SPON1: variants seen among roughly 807,000 people sequenced by gnomAD.
SPON1 encodes the protein spondin-1.
In SPON1, 52 loss-of-function variants were observed where a neutral mutation model predicts 111.7. That is an observed-to-expected ratio of 0.47 (90% confidence interval 0.37 to 0.59). SPON1 has a LOEUF of 0.59. Among genes scored for constraint, SPON1 ranks in the 20% least tolerant of loss-of-function variants. The probability of loss-of-function intolerance (pLI) is 0.00; values close to 1 mark genes in which losing one functional copy is unlikely to be tolerated. For synonymous variants in SPON1, 410 were observed against 395.8 expected (o/e 1.04, Z -0.43); for missense variants, 957 against 1,068.5 (o/e 0.90, Z 1.46).
intron 3 of SPON1, among the ~76,000 whole-genome samples, chr11:14,050,773 C>A (rs1024212402): frequency 6.6e-6 from 1 of 152,176 alleles, no homozygotes; most frequent in Admixed American, 6.5e-5. Flanking sequence ...ACATGTGTCT[C>A]AGAACAGTGT....
At chr11:14,225,340 C>A (rs556822135) in intron 6 of SPON1, among the ~76,000 whole-genome samples, 1 of 151,772 alleles carries the variant, frequency 6.6e-6, no homozygotes, top group African/African-American at 2.4e-5. Context: ...ATTTTGTATA[C>A]GGAAAAATTT....
chr11:14,200,632 G>C (rs1848451248), intron 6 of SPON1, among the ~76,000 whole-genome samples: 2 of 151,836 alleles, frequency 1.3e-5, no homozygotes, highest in Non-Finnish European at 1.5e-5. Flanking sequence ...TGGCCAACAT[G>C]GGGAAACCCC....
At chr11:14,264,975 C>T in intron 15 of SPON1, among the ~76,000 whole-genome samples, 1 of 152,156 alleles carries the variant, frequency 6.6e-6, no homozygotes, top group East Asian at 1.9e-4. Flanking sequence ...CATCCCAAAA[C>T]AGTCTTTTTA....
At chr11:14,250,441 C>T (rs1339286361) in intron 7 of SPON1, among the ~76,000 whole-genome samples, 1 of 151,566 alleles carries the variant, frequency 6.6e-6, no homozygotes, top group Non-Finnish European at 1.5e-5. Flanking sequence ...TAGCCCAACC[C>T]CACTTGTCGC....
Position 14,160,825 on chromosome 11 carries a change from TTA to T in SPON1, c.825+25265_825+25266del. On this transcript the variant is annotated intron_variant, in intron 6 of 15. Transcript: ENST00000576479. Reference sequence around the variant, plus strand: ...TTTTATATATATTTTTATATATATTTTATATATATTTATATATTTATATATTT... The same window carrying T: ...TTTTATATATATTTTTATATATATTTTATATATTTATATATTTATATATTT... Among the ~76,000 whole-genome samples, 2 of 50,850 alleles carry T rather than the reference TTA, an allele frequency of 3.9e-5. 1 individual carries two copies. Among genetic ancestry groups the T allele is most frequent in the Non-Finnish European group, 6.6e-5 (2 of 30,468 alleles). The allele number at this position is 50,850 out of a possible 152,430, so 33.4% of individuals were successfully genotyped here.
intron 2 of SPON1, among the ~76,000 whole-genome samples, chr11:14,027,980 T>C (rs1177031383): frequency 1.1e-4 from 17 of 152,222 alleles, no homozygotes; most frequent in Admixed American, 1.1e-3. Context: ...AGTGATTTTC[T>C]AGTATTGAGT....
rs529520776 is a variant in SPON1 at position 14,095,141 on chromosome 11, C to A, written c.676+15120C>A. The stretch of plus-strand genomic sequence containing the variant: ...ATTTCATCAGGCTCTGAAAAGGATC[C>A]TGTCAGAATTTTAAGTGGGATTGCA... On this transcript the variant is annotated intron_variant, in intron 5 of 15. Transcript: ENST00000576479. 2.0e-5 allele frequency among the ~76,000 whole-genome samples: 3 copies of A among 152,182 alleles called. No homozygotes were observed. The South Asian group carries it at 6.2e-4, about 32-fold the overall frequency.
At chr11:14,139,391 T>G (rs192534381) in intron 6 of SPON1, among the ~76,000 whole-genome samples, 39 of 152,306 alleles carry the variant, frequency 2.6e-4, no homozygotes, top group Admixed American at 8.5e-4. Flanking sequence ...TTTGTCCTTC[T>G]CCTATTGTTA....
intron 2 of SPON1, among the ~76,000 whole-genome samples, chr11:14,021,380 C>T (rs991124568): frequency 6.6e-6 from 1 of 152,086 alleles, no homozygotes; most frequent in Non-Finnish European, 1.5e-5. Context: ...AACAAGTCCC[C>T]GGGTAGACCT....
At chr11:14,042,116 C>A (rs1233132293) in intron 3 of SPON1, among the ~76,000 whole-genome samples, 1 of 152,100 alleles carries the variant, frequency 6.6e-6, no homozygotes, top group Non-Finnish European at 1.5e-5. Flanking sequence ...AAATGGCCCT[C>A]TGGTGCCACT....
chr11:14,021,150 C>G (rs1290387566), intron 2 of SPON1, among the ~76,000 whole-genome samples: 13 of 152,136 alleles, frequency 8.5e-5, no homozygotes, highest in African/African-American at 2.9e-4. Context: ...GTATTTTTTA[C>G]CTTTAAAACA....
chr11:14,007,873 C>G (rs1258023617), intron 2 of SPON1, among the ~76,000 whole-genome samples: 3 of 152,176 alleles, frequency 2.0e-5, no homozygotes, highest in Non-Finnish European at 4.4e-5. Context: ...TGCCTCCATC[C>G]TCACGTGGCC....
At chr11:14,158,024 T>C (rs1275217845) in intron 6 of SPON1, among the ~76,000 whole-genome samples, 1 of 152,138 alleles carries the variant, frequency 6.6e-6, no homozygotes, top group African/African-American at 2.4e-5. Context: ...TTTCTTGGTA[T>C]GTCTCATCAT....
chr11:14,095,685 T>G (rs1849095044), intron 5 of SPON1, among the ~76,000 whole-genome samples: 1 of 152,206 alleles, frequency 6.6e-6, no homozygotes, highest in Non-Finnish European at 1.5e-5. Flanking sequence ...CTTCTTCCTC[T>G]GCATATTGTT....
At chr11:14,017,938 A>C (rs1475762559) in intron 2 of SPON1, among the ~76,000 whole-genome samples, 1 of 152,134 alleles carries the variant, frequency 6.6e-6, no homozygotes, top group Non-Finnish European at 1.5e-5. Context: ...AATGAGTCGG[A>C]CTATTTGGAA....
chr11:14,130,358 G>A (rs528055830), intron 5 of SPON1, among the ~76,000 whole-genome samples: 4 of 152,278 alleles, frequency 2.6e-5, no homozygotes, highest in South Asian at 4.1e-4. Flanking sequence ...GTGGTAAATG[G>A]CATTGGAAAA....
At chr11:14,217,858 T>C (rs145377209) in intron 6 of SPON1, among the ~76,000 whole-genome samples, 5 of 152,396 alleles carry the variant, frequency 3.3e-5, no homozygotes, top group African/African-American at 9.6e-5. Flanking sequence ...TTGTAACTAC[T>C]ATTTATTGAA....
At chr11:13,967,783 C>T (rs922808967) in intron 1 of SPON1, among the ~76,000 whole-genome samples, 3 of 152,088 alleles carry the variant, frequency 2.0e-5, no homozygotes, top group Non-Finnish European at 4.4e-5. Context: ...TTGCACCATT[C>T]CCTGCTTTTT....
At chr11:14,177,142 G>A (rs1385386457) in intron 6 of SPON1, among the ~76,000 whole-genome samples, 4 of 152,128 alleles carry the variant, frequency 2.6e-5, no homozygotes, top group African/African-American at 4.8e-5. Flanking sequence ...CCAGGTTCAC[G>A]CCATTCTCCT....
Sources: allele counts gnomAD v4.1 joint callset (sites outside exome capture counted in the v4.1 genomes callset), GRCh38; gene constraint gnomAD v4.1.1; transcripts MANE v1.5; gene names NCBI Gene and HGNC (gene_info 2026-07-23, HGNC 2026-07-21).